Variants in ZNF665 observed in about 807,000 individuals in gnomAD.
The protein encoded by ZNF665 is zinc finger protein 665.
Under a neutral mutation model 7.9 loss-of-function variants are expected in ZNF665, and 6 were observed. The ratio of observed to expected loss-of-function variants is 0.76; its 90% CI spans 0.42 to 1.50. The LOEUF (loss-of-function observed/expected upper bound fraction) is 1.50. Among genes scored for constraint, ZNF665 ranks in the 40% most tolerant of loss-of-function variants. The pLI, the probability that ZNF665 is intolerant of heterozygous loss-of-function variation, is 0.01. For synonymous variants in ZNF665, 242 were observed against 274.5 expected, an observed-to-expected ratio of 0.88 and a Z score of 1.17; for missense variants, 819 against 806.7, an observed-to-expected ratio of 1.02 and a Z score of -0.18.
chr19:53,166,803 T>G (rs1184328783), intron 3 of ZNF665, among the ~76,000 whole-genome samples: 8 of 152,160 alleles, frequency 5.3e-5, no homozygotes, highest in African/African-American at 1.4e-4. Context: ...ACATATGTAA[T>G]GAATAATTAA....
At chr19:53,177,431 C>G (rs1216327073) in intron 2 of ZNF665, among the ~76,000 whole-genome samples, 1 of 151,952 alleles carries the variant, frequency 6.6e-6, no homozygotes. Flanking sequence ...AACGCTGTCT[C>G]TACTAAAAAT....
Position 53,164,675 on chromosome 19 carries a change from C to T in ZNF665, c.1815G>A (p.Lys605=), listed in dbSNP as rs2090591469. The change falls in exon 4 of 4, where the codon AAG becomes AAA. Residue 605 remains lysine (K), a synonymous_variant. Coordinates refer to ENST00000396424, the MANE Select transcript of ZNF665 (RefSeq NM_024733.5). ...CAAGATGTGAATTTTGAGTGAAGACCTTGCCACATTCATTACATTTGTAAG... is the reference window on the plus strand; with the variant it reads ...CAAGATGTGAATTTTGAGTGAAGACTTTGCCACATTCATTACATTTGTAAG... The part of the protein sequence containing the change: ...EKPYKCNECG[K]VFTQNSHLAN... 1 of 1,612,542 alleles carries T rather than the reference C, an allele frequency of 6.2e-7. No homozygotes were observed. The highest frequency in any genetic ancestry group is 1.7e-5 in the Admixed American group (1 of 59,942).
chr19:53,172,386 A>G (rs1255014488), intron 3 of ZNF665, among the ~76,000 whole-genome samples: 1 of 152,148 alleles, frequency 6.6e-6, no homozygotes, highest in Admixed American at 6.6e-5. Flanking sequence ...CATTCAACCA[A>G]TAGTGTATGA....
At chr19:53,184,920 CAG>C (rs907437073) in intron 1 of ZNF665, among the ~76,000 whole-genome samples, 2 of 151,534 alleles carry the variant, frequency 1.3e-5, no homozygotes, top group Non-Finnish European at 2.9e-5. Flanking sequence ...GCAGCCGAGG[CAG>C]AGAGAGAGAG....
chr19:53,173,611 G>A (rs148258030), intron 3 of ZNF665, among the ~76,000 whole-genome samples: 14 of 152,118 alleles, frequency 9.2e-5, no homozygotes, highest in African/African-American at 3.4e-4. Flanking sequence ...CTGAGCTCGT[G>A]ATCCACCCAC....
chr19:53,165,973 T>A lies in ZNF665; in HGVS notation c.517A>T (p.Asn173Tyr), dbSNP rs1157093689. 2 of 1,613,750 alleles carry A rather than the reference T, an allele frequency of 1.2e-6. No individual in the cohort carries two copies. The highest frequency in any genetic ancestry group is 2.2e-5 in the East Asian group (1 of 44,886). ...TCACATTTATAATGTTTTCCTCGAT[T>A]ATTAGGAGACTTCTCAACTTGATTG... ...EYNQVEKSPN[N>Y]RGKHYKCDEC... is the part of the protein sequence containing the mutation. The change falls in exon 4 of 4, where the codon AAT (asparagine) becomes TAT (tyrosine). Residue 173 changes from asparagine to tyrosine, a missense_variant. Asn to Tyr is a moderately radical substitution (Grantham distance 143, BLOSUM62 -2). Transcript: ENST00000396424.
At position 53,164,507 on chromosome 19, in the gene ZNF665, C is replaced by T. The variant is rs766984822; in HGVS notation, c.1983G>A (p.Lys661=). 6.2e-7 allele frequency: 1 copy of T among 1,610,174 alleles called. No homozygotes were observed. The highest frequency in any genetic ancestry group is 1.3e-5 in the African/African-American group (1 of 74,910). ...CAAGGTTTGAATTTTGAGTAAAGAC[C>T]TTGCCACATTGGTTACATTTGTAAG... ...DKPYKCNQCG[K]VFTQNSNLAK... is the part of the protein sequence containing the mutation. Residue 661 remains lysine (K), a synonymous_variant, in exon 4 of 4, where the codon AAG becomes AAA. Coordinates refer to ENST00000396424, the MANE Select transcript of ZNF665 (RefSeq NM_024733.5).
Position 53,164,282 on chromosome 19 carries a change from C to T in ZNF665, c.*171G>A, listed in dbSNP as rs900524537. 5.3e-5 allele frequency: 28 copies of T among 529,482 alleles called. No individual in the cohort carries two copies. The East Asian group carries it at 7.3e-4, about 14-fold the overall frequency. The allele number at this position is 529,482 out of a possible 1,614,324, so 32.8% of individuals were successfully genotyped here. ...CCTCCCGAGTAGCTGGGATTACAGG[C>T]GTGCACCACCACACCCAGCTAATTT... On this transcript the variant is annotated 3_prime_UTR_variant, in exon 4 of 4. Coordinates refer to ENST00000396424, the MANE Select transcript of ZNF665 (RefSeq NM_024733.5).
chr19:53,183,976 G>A (rs62115540), intron 1 of ZNF665, among the ~76,000 whole-genome samples: 4 of 152,302 alleles, frequency 2.6e-5, no homozygotes, highest in East Asian at 1.9e-4. Flanking sequence ...TAAGCTGGGC[G>A]CAGTGGCTCT....
rs531015893 is a variant in ZNF665, at chr19:53,179,346, A to G, written c.15+3538T>C. Among the ~76,000 whole-genome samples the G allele has an allele frequency of 1.9e-3, 264 of 142,496 alleles. 3 individuals carry two copies. The highest frequency in any genetic ancestry group is 6.2e-3 in the African/African-American group (243 of 39,082). The allele number at this position is 142,496 out of a possible 152,430, so 93.5% of individuals were successfully genotyped here. A position where few individuals can be genotyped will look rare whatever the true frequency, so the allele number is the denominator to read the frequency against. On this transcript the variant is annotated intron_variant, in intron 2 of 3. Transcript: ENST00000396424. Reference sequence around the variant, plus strand: ...AGCCGAGATCGCACCACTGCACTCCAGCCTGGGTGACACAGAGCGAGATTC... The same window carrying G: ...AGCCGAGATCGCACCACTGCACTCCGGCCTGGGTGACACAGAGCGAGATTC...
intron 1 of ZNF665, among the ~76,000 whole-genome samples, chr19:53,189,922 G>C (rs2090804068): frequency 6.6e-6 from 1 of 152,172 alleles, no homozygotes; most frequent in Non-Finnish European, 1.5e-5. Flanking sequence ...CGGTGGCCCT[G>C]TCCGGGCATA....
intron 1 of ZNF665, among the ~76,000 whole-genome samples, chr19:53,185,118 G>T (rs1276116235): frequency 6.6e-6 from 1 of 151,834 alleles, no homozygotes. Flanking sequence ...GATAACTGCG[G>T]GCGAGCCTGA....
At chr19:53,185,263 G>A (rs916126089) in intron 1 of ZNF665, among the ~76,000 whole-genome samples, 4 of 151,832 alleles carry the variant, frequency 2.6e-5, no homozygotes, top group Non-Finnish European at 5.9e-5. Flanking sequence ...GCTAGACCAC[G>A]GTCCGCTTGG....
chr19:53,191,689 C>T (rs62117760), intron 1 of ZNF665: 6,435 of 152,190 alleles, frequency 0.042, 212 homozygotes, highest in Middle Eastern at 0.13. Flanking sequence ...ACTAAAAATA[C>T]AAAAGTTAGC....
intron 1 of ZNF665, among the ~76,000 whole-genome samples, chr19:53,185,841 A>C (rs1463390189): frequency 6.6e-6 from 1 of 152,106 alleles, no homozygotes; most frequent in Non-Finnish European, 1.5e-5. Context: ...AAAGGAACAC[A>C]AAGAAGTTTT....
chr19:53,165,736 G>A lies in ZNF665; in HGVS notation c.754C>T (p.His252Tyr). The A allele has an allele frequency of 6.2e-7, 1 of 1,614,144 alleles. No individual in the cohort carries two copies. The highest frequency in any genetic ancestry group is 8.5e-7 in the Non-Finnish European group (1 of 1,180,026). ...VFSQPSNLAG[H>Y]QRIHTGEKPY... ...TTCTCTCCAGTATGAATTCTCTGAT[G>A]ACCTGCAAGGTTTGAAGGTTGACTG... The change falls in exon 4 of 4, where the codon CAT becomes TAT. Residue 252 changes from histidine to tyrosine, a missense_variant. Physicochemically the swap from His to Tyr is moderately conservative, Grantham distance 83 (BLOSUM62 2). Coordinates refer to ENST00000396424, the MANE Select transcript of ZNF665 (RefSeq NM_024733.5).
At chr19:53,183,561 A>G (rs2090754566) in intron 1 of ZNF665, among the ~76,000 whole-genome samples, 1 of 151,350 alleles carries the variant, frequency 6.6e-6, no homozygotes, top group African/African-American at 2.4e-5. Context: ...CCTTGTCATC[A>G]GGATCCAGAC....
chr19:53,176,724 C>A (rs1461426275), intron 2 of ZNF665, among the ~76,000 whole-genome samples: 1 of 152,158 alleles, frequency 6.6e-6, no homozygotes, highest in Non-Finnish European at 1.5e-5. Flanking sequence ...TGGGAGGACA[C>A]CCAGGTCATA....
At chr19:53,191,754 G>C (rs2090818455) in intron 1 of ZNF665, 1 of 152,242 alleles carries the variant, frequency 6.6e-6, no homozygotes, top group Admixed American at 6.5e-5. Context: ...TGAGGCAAGA[G>C]AATCGCTTGA....
Sources: allele counts gnomAD v4.1 joint callset (sites outside exome capture counted in the v4.1 genomes callset), GRCh38; gene constraint gnomAD v4.1.1; transcripts MANE v1.5; gene names NCBI Gene and HGNC (gene_info 2026-07-23, HGNC 2026-07-21).